HECA: variants seen among roughly 807,000 people sequenced by gnomAD.
HECA encodes HECA ribonucleoprotein granule regulator, also known as headcase protein homolog.
In HECA, 13 loss-of-function variants were observed where a neutral mutation model predicts 37.6. That is an observed-to-expected ratio of 0.35 (90% CI 0.23 to 0.55). HECA has a LOEUF of 0.55. HECA is among the 20% of genes least tolerant of loss of function. The probability of loss-of-function intolerance (pLI) is 0.90; values close to 1 mark genes in which losing one functional copy is unlikely to be tolerated. For missense variants in HECA, 527 were observed against 701.9 expected (o/e 0.75, Z 2.82); for synonymous variants, 307 against 291.5 (o/e 1.05, Z -0.54).
intron 2 of HECA, among the ~76,000 whole-genome samples, chr6:139,171,823 T>C (rs1007897936): frequency 2.0e-5 from 3 of 151,556 alleles, no homozygotes; most frequent in Non-Finnish European, 4.4e-5. Context: ...TTGTTGTTGT[T>C]GTTTGTTGTT....
chr6:139,136,990 G>C (rs1774456185), intron 1 of HECA, among the ~76,000 whole-genome samples: 1 of 152,200 alleles, frequency 6.6e-6, no homozygotes, highest in African/African-American at 2.4e-5. Context: ...ACAGTGCTCT[G>C]AACATAGGCG....
intron 1 of HECA, among the ~76,000 whole-genome samples, chr6:139,139,907 A>G (rs1224223262): frequency 6.6e-6 from 1 of 152,262 alleles, no homozygotes; most frequent in Non-Finnish European, 1.5e-5. Flanking sequence ...TACCATTCAC[A>G]TAAAACACAG....
chr6:139,135,675 G>C lies in HECA; in HGVS notation c.271+8G>C, dbSNP rs1367931942. 2.0e-6 allele frequency: 2 copies of C among 980,120 alleles called. No individual in the cohort carries two copies. The highest frequency in any genetic ancestry group is 2.0e-4 in the East Asian group (2 of 9,822). 60.7% of individuals were successfully genotyped at this position (980,120 alleles called of 1,614,324 possible). A position where few individuals can be genotyped will look rare whatever the true frequency, so the allele number is the denominator to read the frequency against. ...CGGGCGATGCCAAAAACGGTAAGAC[G>C]GGGCTGGCGGGGCGAGCGCCAACTT... On this transcript the variant is annotated splice_region_variant and intron_variant, in intron 1 of 3. Transcript: ENST00000367658.
intron 1 of HECA, among the ~76,000 whole-genome samples, chr6:139,135,983 C>T (rs938715905): frequency 1.3e-5 from 2 of 151,710 alleles, no homozygotes; most frequent in Non-Finnish European, 2.9e-5. Context: ...TGTGCCGGGC[C>T]GAAGGGAGGA....
At position 139,177,197 on chromosome 6, in the gene HECA, T is replaced by G; in HGVS notation, c.*92T>G. 3.1e-6 allele frequency: 2 copies of G among 655,364 alleles called. No individual in the cohort carries two copies. Among genetic ancestry groups the G allele is most frequent in the Admixed American group, 2.7e-5 (1 of 37,602 alleles). 40.6% of individuals were successfully genotyped at this position (655,364 alleles called of 1,614,324 possible). A position where few individuals can be genotyped will look rare whatever the true frequency, so the allele number is the denominator to read the frequency against. On this transcript the variant is annotated 3_prime_UTR_variant, in exon 4 of 4. Coordinates refer to ENST00000367658, the MANE Select transcript of HECA (RefSeq NM_016217.3). The surrounding 1 kb of genome is among the most constrained non-coding windows in gnomAD (Gnocchi z 4.9). ...GAAACATTCTGTGACATTAATTTCCTTTCTAATTTAAAGGAGAGTTACTTT... is the reference window on the plus strand; with the variant it reads ...GAAACATTCTGTGACATTAATTTCCGTTCTAATTTAAAGGAGAGTTACTTT...
In HECA at chr6:139,177,308, A is replaced by T. The variant is rs1416740088; in HGVS notation, c.*203A>T. ...ATCTGTGGTTTTGACCAGAGCCCAGATGGGTAATCCTGTGCATTTGGGTTG... is the reference window on the plus strand; with the variant it reads ...ATCTGTGGTTTTGACCAGAGCCCAGTTGGGTAATCCTGTGCATTTGGGTTG... On this transcript the variant is annotated 3_prime_UTR_variant, in exon 4 of 4. Coordinates refer to ENST00000367658, the MANE Select transcript of HECA (RefSeq NM_016217.3). The surrounding 1 kb of genome is among the most constrained non-coding windows in gnomAD (Gnocchi z 4.9). 2.3e-6 allele frequency: 1 copy of T among 443,454 alleles called. No individual in the cohort carries two copies. The highest frequency in any genetic ancestry group is 3.5e-5 in the Admixed American group (1 of 28,868). 27.5% of individuals were successfully genotyped at this position (443,454 alleles called of 1,614,324 possible).
intron 1 of HECA, among the ~76,000 whole-genome samples, chr6:139,161,211 C>A (rs979991604): frequency 2.0e-5 from 3 of 152,172 alleles, no homozygotes; most frequent in African/African-American, 7.2e-5. Flanking sequence ...CCCATTTTGC[C>A]TGTCTCCCTG....
At position 139,167,029 on chromosome 6, in the gene HECA, C is replaced by T. The variant is rs1774899460; in HGVS notation, c.1017C>T (p.Thr339=). ...TTCACAGGGGGGGACACTTCGACAC[C>T]CCCGTGCAGTTCCTTCGGCGGCTGG... The part of the protein sequence containing the change: ...LAVHRGGHFD[T]PVQFLRRLDL... Residue 339 remains threonine (T), a synonymous_variant, in exon 2 of 4, where the codon ACC becomes ACT. Coordinates refer to ENST00000367658, the MANE Select transcript of HECA (RefSeq NM_016217.3). 2 of 1,614,036 alleles carry T rather than the reference C, an allele frequency of 1.2e-6. No individual in the cohort carries two copies. Among genetic ancestry groups the T allele is most frequent in the Non-Finnish European group, 1.7e-6 (2 of 1,180,046 alleles).
chr6:139,148,610 G>A lies in HECA; in HGVS notation c.271+12943G>A, dbSNP rs1161533265. 3.9e-5 allele frequency among the ~76,000 whole-genome samples: 6 copies of A among 152,202 alleles called. No homozygotes were observed. The East Asian group carries it at 9.7e-4, about 25-fold the overall frequency. ...GAAACCCCATGTCACTACTAAAAAT[G>A]CTAACATTAGCTGGGCATGGTGGCG... On this transcript the variant is annotated intron_variant, in intron 1 of 3. Transcript: ENST00000367658.
At chr6:139,141,561 A>T (rs973686689) in intron 1 of HECA, among the ~76,000 whole-genome samples, 19 of 152,196 alleles carry the variant, frequency 1.2e-4, no homozygotes, top group African/African-American at 4.6e-4. Context: ...ATAATTTATA[A>T]ACAATAGAAA....
At chr6:139,161,448 C>T (rs1039315905) in intron 1 of HECA, among the ~76,000 whole-genome samples, 8 of 152,112 alleles carry the variant, frequency 5.3e-5, no homozygotes, top group Non-Finnish European at 1.0e-4. Flanking sequence ...GTGAACATGA[C>T]AAACACTGTT....
At position 139,135,230 on chromosome 6, in the gene HECA, C is replaced by A; in HGVS notation, c.-167C>A. 2.2e-6 allele frequency: 1 copy of A among 456,420 alleles called. No individual in the cohort carries two copies. The highest frequency in any genetic ancestry group is 3.1e-6 in the Non-Finnish European group (1 of 327,054). The allele number at this position is 456,420 out of a possible 1,614,324, so 28.3% of individuals were successfully genotyped here. On this transcript the variant is annotated 5_prime_UTR_variant, in exon 1 of 4. Coordinates refer to ENST00000367658, the MANE Select transcript of HECA (RefSeq NM_016217.3). ...AGGAAGCCGGAGAGGGCGCGGCGGC[C>A]AGGATGGCGCGGCACGGGCCGTGCG...
chr6:139,148,273 A>G (rs1774609182), intron 1 of HECA, among the ~76,000 whole-genome samples: 1 of 152,370 alleles, frequency 6.6e-6, no homozygotes, highest in South Asian at 2.1e-4. Flanking sequence ...TTGTATGATT[A>G]CATTAACATC....
intron 3 of HECA, 118 bp downstream of exon 3, chr6:139,174,657 G>A (rs886346183): frequency 5.6e-6 from 8 of 1,422,878 alleles, no homozygotes; most frequent in Non-Finnish European, 7.5e-6. Context: ...TGATGGCTGA[G>A]TTACTACTTG....
chr6:139,153,402 C>G (rs1774675402), intron 1 of HECA, among the ~76,000 whole-genome samples: 1 of 151,888 alleles, frequency 6.6e-6, no homozygotes, highest in Non-Finnish European at 1.5e-5. Context: ...TAACCATTAT[C>G]ATCCATTTAA....
At position 139,180,160 on chromosome 6, in the gene HECA, T is replaced by C. The variant is rs1376770889; in HGVS notation, c.*3055T>C. The C allele has an allele frequency of 6.6e-6, 1 of 152,216 alleles. No individual in the cohort carries two copies. Among genetic ancestry groups the C allele is most frequent in the African/African-American group, 2.4e-5 (1 of 41,464 alleles). The allele number at this position is 152,216 out of a possible 1,614,324, so 9.4% of individuals were successfully genotyped here. A position where few individuals can be genotyped will look rare whatever the true frequency, so the allele number is the denominator to read the frequency against. Reference sequence around the variant, plus strand: ...AGAGGAGCTTTCCTTAAATGCCCTTTAACTTCTAGGTTTTGTTCAAGAAGT... The same window carrying C: ...AGAGGAGCTTTCCTTAAATGCCCTTCAACTTCTAGGTTTTGTTCAAGAAGT... On this transcript the variant is annotated 3_prime_UTR_variant, in exon 4 of 4. Coordinates refer to ENST00000367658, the MANE Select transcript of HECA (RefSeq NM_016217.3).
chr6:139,176,920 G>A lies in HECA; in HGVS notation c.1468-21G>A, dbSNP rs779929727. 2.1e-5 allele frequency: 18 copies of A among 861,244 alleles called. No individual in the cohort carries two copies. Among genetic ancestry groups the A allele is most frequent in the African/African-American group, 1.5e-4 (9 of 61,100 alleles). 53.4% of individuals were successfully genotyped at this position (861,244 alleles called of 1,614,324 possible). On this transcript the variant is annotated intron_variant, in intron 3 of 3. Coordinates refer to ENST00000367658, the MANE Select transcript of HECA (RefSeq NM_016217.3). The surrounding 1 kb of genome is among the most constrained non-coding windows in gnomAD (Gnocchi z 4.5). ...TGGGAAGTGGAGGGGTGTTGTGGCT[G>A]ATGGTGTCTGTTTCCCCCAGGCCCG...
At position 139,167,086 on chromosome 6, in the gene HECA, G is replaced by A. The variant is rs748075019; in HGVS notation, c.1074G>A (p.Arg358=). Residue 358 remains arginine (R), a synonymous_variant, in exon 2 of 4, where the codon AGG becomes AGA. Coordinates refer to ENST00000367658, the MANE Select transcript of HECA (RefSeq NM_016217.3). ...DLSELLTHIP[R]HKLNTFHVRM... is the part of the protein sequence containing the mutation. ...CCGAACTCCTCACTCACATCCCCAG[G>A]CATAAGCTGAACACTTTCCACGTGC... 4.3e-5 allele frequency: 69 copies of A among 1,614,084 alleles called. No homozygotes were observed. The highest frequency in any genetic ancestry group is 5.7e-5 in the Non-Finnish European group (67 of 1,180,044).
intron 1 of HECA, chr6:139,155,534 A>G (rs1204732718): frequency 6.6e-6 from 1 of 152,216 alleles, no homozygotes; most frequent in East Asian, 1.9e-4. Context: ...TCATTGTTGA[A>G]TCAAACGTCG....
Sources: gnomAD v4.1 joint callset for allele counts (sites outside exome capture counted in the v4.1 genomes callset) on GRCh38, gnomAD v4.1.1 for gene constraint, Gnocchi (gnomAD v3.1) non-coding constraint, MANE v1.5 for transcripts, NCBI Gene and HGNC (gene_info 2026-07-23, HGNC 2026-07-21) for gene names.